CTTNBP2: variants seen among roughly 807,000 people sequenced by gnomAD.
CTTNBP2 encodes cortactin-binding protein 2.
In CTTNBP2, 108 loss-of-function variants were observed where a neutral mutation model predicts 156.9. The observed-to-expected ratio is 0.69, with a 90% CI of 0.59 to 0.81. The LOEUF is 0.81. Ranked by LOEUF, CTTNBP2 falls within the 30% of genes least tolerant of loss-of-function variation. The pLI is 0.00. For synonymous variants in CTTNBP2, 767 were observed against 751.8 expected, an observed-to-expected ratio of 1.02 and a Z score of -0.33; for missense variants, 1,924 against 2,035.4, an observed-to-expected ratio of 0.95 and a Z score of 1.05.
intron 2 of CTTNBP2, among the ~76,000 whole-genome samples, chr7:117,849,024 C>CA (rs1221984443): frequency 3.3e-5 from 5 of 152,282 alleles, no homozygotes; most frequent in African/African-American, 9.6e-5. Context: ...AGAAAGTTTC[C>CA]AGGCTGAGTC....
At position 117,852,924 on chromosome 7, in the gene CTTNBP2, G is replaced by A. The variant is rs1255248276; in HGVS notation, c.189+8285C>T. Among the ~76,000 whole-genome samples, 3 of 152,118 alleles carry A rather than the reference G, an allele frequency of 2.0e-5. No homozygotes were observed. In the East Asian group the frequency reaches 5.8e-4, roughly 29 times the overall value. On this transcript the variant is annotated intron_variant, in intron 2 of 22. Coordinates refer to ENST00000160373, the MANE Select transcript of CTTNBP2 (RefSeq NM_033427.3). ...GGGGGAGAGACATGGTGAGGGCTAAGGTTAGGAGTCAGACAGAAAATGGCA... is the reference window on the plus strand; with the variant it reads ...GGGGGAGAGACATGGTGAGGGCTAAAGTTAGGAGTCAGACAGAAAATGGCA...
intron 2 of CTTNBP2, among the ~76,000 whole-genome samples, chr7:117,815,842 G>A (rs1358975444): frequency 6.6e-6 from 1 of 152,160 alleles, no homozygotes; most frequent in African/African-American, 2.4e-5. Flanking sequence ...CTGTGATTAA[G>A]GGACTCTGGG....
intron 3 of CTTNBP2, among the ~76,000 whole-genome samples, chr7:117,796,929 T>C (rs1305144783): frequency 6.6e-6 from 1 of 152,184 alleles, no homozygotes; most frequent in Non-Finnish European, 1.5e-5. Flanking sequence ...TTATAACCCC[T>C]TGAAAAACAT....
chr7:117,872,451 C>T (rs1253785941), intron 1 of CTTNBP2, among the ~76,000 whole-genome samples: 1 of 152,186 alleles, frequency 6.6e-6, no homozygotes, highest in Non-Finnish European at 1.5e-5. Flanking sequence ...TGCGAAGCTG[C>T]TTCCCAAACA....
rs1298639361 is a variant in CTTNBP2 at position 117,817,361 on chromosome 7, A to ATAAATAT, written c.190-6373_190-6372insATATTTA. On this transcript the variant is annotated intron_variant, in intron 2 of 22. Coordinates refer to ENST00000160373, the MANE Select transcript of CTTNBP2 (RefSeq NM_033427.3). ...AAAAAAAAAAAAAAAAAAAAAAAAA[A>ATAAATAT]ATATATATATATATATATATATATA... 1.5e-3 allele frequency among the ~76,000 whole-genome samples: 79 copies of ATAAATAT among 53,306 alleles called. 9 individuals are homozygous for ATAAATAT. Among genetic ancestry groups the ATAAATAT allele is most frequent in the Admixed American group, 2.4e-3 (9 of 3,714 alleles). The allele number at this position is 53,306 out of a possible 152,430, so 35.0% of individuals were successfully genotyped here. A position where few individuals can be genotyped will look rare whatever the true frequency, so the allele number is the denominator to read the frequency against.
chr7:117,758,387 T>C (rs989732781), intron 10 of CTTNBP2, among the ~76,000 whole-genome samples: 17 of 152,044 alleles, frequency 1.1e-4, no homozygotes, highest in African/African-American at 4.1e-4. Context: ...CCTGAGCCTC[T>C]TTCCAGCAAA....
At chr7:117,796,100 G>A (rs1054057099) in intron 3 of CTTNBP2, among the ~76,000 whole-genome samples, 2 of 152,018 alleles carry the variant, frequency 1.3e-5, no homozygotes, top group Non-Finnish European at 1.5e-5. Context: ...CCTCCTTTAA[G>A]CTTTTTCATA....
chr7:117,787,946 C>G (rs1798792214), intron 4 of CTTNBP2, among the ~76,000 whole-genome samples: 1 of 151,992 alleles, frequency 6.6e-6, no homozygotes, highest in Non-Finnish European at 1.5e-5. Context: ...AAGTTTAAAT[C>G]TTTTTTTGTT....
rs144665280 is a variant in CTTNBP2, at chr7:117,823,619, A to G, written c.190-12630T>C. Among the ~76,000 whole-genome samples the G allele has an allele frequency of 1.9e-3, 293 of 152,332 alleles. 3 individuals are homozygous for G. The highest frequency in any genetic ancestry group is 6.7e-3 in the African/African-American group (278 of 41,590). ...AGAGTCAGGTCAACACTCAATGGCAAGTCCACTTGATTCTCTTAAGTCCTT... is the reference window on the plus strand; with the variant it reads ...AGAGTCAGGTCAACACTCAATGGCAGGTCCACTTGATTCTCTTAAGTCCTT... On this transcript the variant is annotated intron_variant, in intron 2 of 22. Transcript: ENST00000160373.
At chr7:117,801,620 T>C (rs1799607518) in intron 3 of CTTNBP2, among the ~76,000 whole-genome samples, 1 of 152,238 alleles carries the variant, frequency 6.6e-6, no homozygotes, top group South Asian at 2.1e-4. Flanking sequence ...ATGGTGATTA[T>C]GTAAGAGATT....
intron 2 of CTTNBP2, among the ~76,000 whole-genome samples, chr7:117,853,861 G>A (rs1803088673): frequency 6.6e-6 from 1 of 152,078 alleles, no homozygotes; most frequent in South Asian, 2.1e-4. Context: ...GGCCAGAAAT[G>A]GTGATCATAA....
intron 12 of CTTNBP2, among the ~76,000 whole-genome samples, chr7:117,752,856 C>G (rs1796684627): frequency 6.6e-6 from 1 of 152,100 alleles, no homozygotes; most frequent in Non-Finnish European, 1.5e-5. Flanking sequence ...TATGGAGTAT[C>G]TATCTCATAG....
chr7:117,711,898 C>T (rs1278453669), intron 22 of CTTNBP2, 116 bp from the exon 23 acceptor site: 7 of 1,007,762 alleles, frequency 6.9e-6, no homozygotes, highest in South Asian at 3.9e-5. Flanking sequence ...TATAGGTTCT[C>T]GTGAAAAATC....
chr7:117,823,438 C>A (rs2117038817), intron 2 of CTTNBP2, among the ~76,000 whole-genome samples: 1 of 152,162 alleles, frequency 6.6e-6, no homozygotes, highest in Non-Finnish European at 1.5e-5. Flanking sequence ...AATAAATTTG[C>A]ATAAATTTGA....
At chr7:117,763,839 G>A (rs546640599) in intron 9 of CTTNBP2, among the ~76,000 whole-genome samples, 1 of 151,940 alleles carries the variant, frequency 6.6e-6, no homozygotes, top group Non-Finnish European at 1.5e-5. Context: ...CTCAAATGCT[G>A]GGATTACAGG....
chr7:117,804,293 G>T (rs1039492277), intron 3 of CTTNBP2, among the ~76,000 whole-genome samples: 1 of 152,044 alleles, frequency 6.6e-6, no homozygotes, highest in African/African-American at 2.4e-5. Flanking sequence ...TAAATGTTAT[G>T]AGCCAGTAAG....
chr7:117,774,322 C>T (rs531447636), intron 8 of CTTNBP2, among the ~76,000 whole-genome samples: 2 of 152,170 alleles, frequency 1.3e-5, no homozygotes, highest in East Asian at 1.9e-4. Context: ...TAGATAAAGA[C>T]TTAGTTTCTT....
In CTTNBP2 at chr7:117,746,090, AT is replaced by A; in HGVS notation, c.3357del (p.Gln1119HisfsTer18). On this transcript the variant is annotated frameshift_variant, in exon 13 of 23. Coordinates refer to ENST00000160373, the MANE Select transcript of CTTNBP2 (RefSeq NM_033427.3). LOFTEE classifies it high-confidence loss of function. ...GGGCCGTGGAAAATGACATTATGAT[AT>A]TGCTCAACCTATTAACAAACCAAGT... ...MMQNYLRLVEQYHNVIFHGPE... is the reference protein window; with the variant it reads ...MMQNYLRLVEXYHNVIFHGPE... 1 of 1,613,414 alleles carries A rather than the reference AT, an allele frequency of 6.2e-7. No homozygotes were observed. The highest frequency in any genetic ancestry group is 8.5e-7 in the Non-Finnish European group (1 of 1,179,330).
chr7:117,715,286 A>G (rs1391482242), intron 22 of CTTNBP2, among the ~76,000 whole-genome samples: 5 of 152,178 alleles, frequency 3.3e-5, no homozygotes, highest in Admixed American at 2.0e-4. Flanking sequence ...GAAAAGCTAC[A>G]TGAAGGCATC....
Sources: allele counts gnomAD v4.1 joint callset (sites outside exome capture counted in the v4.1 genomes callset), GRCh38; gene constraint gnomAD v4.1.1; transcripts MANE v1.5; gene names NCBI Gene and HGNC (gene_info 2026-07-23, HGNC 2026-07-21).